Variants in CSMD1 observed in about 807,000 individuals in gnomAD.
CSMD1 encodes CUB and Sushi multiple domains 1.
CSMD1 carries 213 observed loss-of-function variants against 417.5 expected under a neutral mutation model. The ratio of observed to expected loss-of-function variants is 0.51; its 90% CI spans 0.46 to 0.57. The LOEUF (loss-of-function observed/expected upper bound fraction) is 0.57, where lower values mean the gene tolerates loss of function less well. Ranked by LOEUF, CSMD1 falls within the 20% of genes least tolerant of loss-of-function variation. CSMD1 has a pLI of 0.00. For missense variants in CSMD1, 6,923 were observed against 4,529.7 expected (o/e 1.53, Z -15.17); for synonymous variants, 2,862 against 1,736.8 (o/e 1.65, Z -16.11).
intron 6 of CSMD1, among the ~76,000 whole-genome samples, chr8:3,739,794 A>T (rs1413767940): frequency 8.3e-4 from 2 of 2,398 alleles, no homozygotes; most frequent in Non-Finnish European, 0.083. Flanking sequence ...GAAAAAGGTA[A>T]AAAAAAATTC....
chr8:4,498,220 T>C (rs1044869201), intron 2 of CSMD1, among the ~76,000 whole-genome samples: 1 of 152,186 alleles, frequency 6.6e-6, no homozygotes, highest in Non-Finnish European at 1.5e-5. Context: ...TGAACGATGA[T>C]TGTTGGCTGA....
chr8:3,652,761 A>C (rs1327310766), intron 7 of CSMD1, among the ~76,000 whole-genome samples: 1 of 152,182 alleles, frequency 6.6e-6, no homozygotes, highest in African/African-American at 2.4e-5. Flanking sequence ...GTTCAAGGTG[A>C]GATTTGGCTG....
At chr8:4,670,362 T>C (rs1308793823) in intron 1 of CSMD1, among the ~76,000 whole-genome samples, 1 of 152,144 alleles carries the variant, frequency 6.6e-6, no homozygotes, top group Non-Finnish European at 1.5e-5. Flanking sequence ...AGATTGTGGC[T>C]AATAATGAAA....
chr8:4,103,199 A>C (rs1406146258), intron 3 of CSMD1, among the ~76,000 whole-genome samples: 1 of 152,026 alleles, frequency 6.6e-6, no homozygotes, highest in Non-Finnish European at 1.5e-5. Flanking sequence ...ACATTTTCTA[A>C]CAAAAAGGTA....
At chr8:3,904,489 C>T (rs770403183) in intron 5 of CSMD1, among the ~76,000 whole-genome samples, 9 of 152,288 alleles carry the variant, frequency 5.9e-5, no homozygotes, top group East Asian at 3.9e-4. Flanking sequence ...GGTTGTTCTA[C>T]GGTGCGGCTT....
intron 18 of CSMD1, among the ~76,000 whole-genome samples, chr8:3,376,605 A>G (rs1810321055): frequency 6.6e-6 from 1 of 151,948 alleles, no homozygotes; most frequent in African/African-American, 2.4e-5. Context: ...TTCTTTAATT[A>G]AAAAAAATTT....
At chr8:4,367,688 C>T (rs1198387411) in intron 3 of CSMD1, among the ~76,000 whole-genome samples, 2 of 152,028 alleles carry the variant, frequency 1.3e-5, no homozygotes, top group South Asian at 2.1e-4. Context: ...TCTTCCTGAC[C>T]ATGAGCACTG....
At chr8:3,620,227 C>T (rs535877114) in intron 7 of CSMD1, among the ~76,000 whole-genome samples, 4 of 152,238 alleles carry the variant, frequency 2.6e-5, no homozygotes, top group African/African-American at 7.2e-5. Flanking sequence ...AATTAAGACA[C>T]TCCCAGATAA....
At chr8:3,481,737 G>C (rs1263654085) in intron 11 of CSMD1, among the ~76,000 whole-genome samples, 1 of 152,292 alleles carries the variant, frequency 6.6e-6, no homozygotes, top group Non-Finnish European at 1.5e-5. Flanking sequence ...AGAGTGGGTT[G>C]ATGTGGCCAC....
At chr8:4,564,390 G>T (rs1258273441) in intron 2 of CSMD1, among the ~76,000 whole-genome samples, 3 of 152,140 alleles carry the variant, frequency 2.0e-5, no homozygotes, top group Admixed American at 2.0e-4. Flanking sequence ...CCACAAATAT[G>T]TGTTGCTCAC....
intron 1 of CSMD1, among the ~76,000 whole-genome samples, chr8:4,835,166 T>G (rs184356193): frequency 1.8e-4 from 27 of 151,220 alleles, no homozygotes; most frequent in African/African-American, 6.3e-4. Flanking sequence ...CCCGAGAAGG[T>G]TGGAAATGAA....
At chr8:4,434,267 G>C (rs958322391) in intron 2 of CSMD1, among the ~76,000 whole-genome samples, 1 of 152,194 alleles carries the variant, frequency 6.6e-6, no homozygotes, top group Non-Finnish European at 1.5e-5. Context: ...TCAGGAGGCT[G>C]AGGCAAGAGA....
At chr8:3,297,796 T>C (rs1413264684) in intron 25 of CSMD1, among the ~76,000 whole-genome samples, 1 of 152,154 alleles carries the variant, frequency 6.6e-6, no homozygotes, top group African/African-American at 2.4e-5. Flanking sequence ...ACAAAGTTTG[T>C]GGCATAGCAT....
chr8:3,193,813 C>G (rs1327121677), intron 33 of CSMD1, among the ~76,000 whole-genome samples: 1 of 152,108 alleles, frequency 6.6e-6, no homozygotes, highest in Non-Finnish European at 1.5e-5. Flanking sequence ...GCTCATCTGT[C>G]GGGAAAAGCC....
intron 2 of CSMD1, among the ~76,000 whole-genome samples, chr8:4,493,147 T>G (rs1801794185): frequency 1.3e-5 from 2 of 152,224 alleles, no homozygotes; most frequent in African/African-American, 4.8e-5. Flanking sequence ...GACTAGATTT[T>G]TTTTTAAAGG....
intron 12 of CSMD1, among the ~76,000 whole-genome samples, chr8:3,439,732 C>G (rs934804413): frequency 1.3e-5 from 2 of 151,864 alleles, no homozygotes; most frequent in African/African-American, 4.8e-5. Context: ...AAATATTTGC[C>G]TAGTCTCAGA....
intron 25 of CSMD1, among the ~76,000 whole-genome samples, chr8:3,291,691 A>G (rs939498388): frequency 6.6e-6 from 1 of 151,676 alleles, no homozygotes; most frequent in Admixed American, 6.6e-5. Flanking sequence ...ATCATTTTTT[A>G]TTATGTCTAT....
Position 3,893,424 on chromosome 8 carries a change from C to G in CSMD1, c.818+104479G>C, listed in dbSNP as rs1159838522. The stretch of plus-strand genomic sequence containing the variant: ...CCTTGAAGCTTAACAAAATCTGGAT[C>G]AACTCCTGAAACCAATGAGGACAGT... On this transcript the variant is annotated intron_variant, in intron 5 of 69. Transcript: ENST00000635120. Among the ~76,000 whole-genome samples, 3 of 143,588 alleles carry G rather than the reference C, an allele frequency of 2.1e-5. No homozygotes were observed. The Admixed American group carries it at 2.2e-4, about 11-fold the overall frequency. The allele number at this position is 143,588 out of a possible 152,430, so 94.2% of individuals were successfully genotyped here. A position where few individuals can be genotyped will look rare whatever the true frequency, so the allele number is the denominator to read the frequency against.
chr8:4,088,274 C>A (rs1339542307), intron 3 of CSMD1, among the ~76,000 whole-genome samples: 2 of 152,186 alleles, frequency 1.3e-5, no homozygotes, highest in African/African-American at 2.4e-5. Flanking sequence ...GTTCCCACTT[C>A]TCAATTGCAT....
Sources: allele counts gnomAD v4.1 joint callset (sites outside exome capture counted in the v4.1 genomes callset), GRCh38; gene constraint gnomAD v4.1.1; transcripts MANE v1.5; gene names NCBI Gene and HGNC (gene_info 2026-07-23, HGNC 2026-07-21).